SAMD12: variants seen among roughly 807,000 people sequenced by gnomAD.
SAMD12 encodes the protein sterile alpha motif domain-containing protein 12.
A neutral mutation model predicts 15.0 loss-of-function variants in SAMD12; 9 were observed. The ratio of observed to expected loss-of-function variants is 0.60; its 90% CI spans 0.36 to 1.05. The LOEUF is 1.05. SAMD12 is among the 50% of genes least tolerant of loss of function. SAMD12 has a pLI of 0.01. For missense variants in SAMD12, 230 were observed against 234.2 expected (o/e 0.98, Z 0.12); for synonymous variants, 86 against 90.1 (o/e 0.96, Z 0.25).
intron 3 of SAMD12, among the ~76,000 whole-genome samples, chr8:118,429,328 C>T (rs1051833120): frequency 6.6e-6 from 1 of 152,184 alleles, no homozygotes; most frequent in Non-Finnish European, 1.5e-5. Flanking sequence ...GAAATGCTCA[C>T]TGCAGTACTT....
At position 118,525,525 on chromosome 8, in the gene SAMD12, A is replaced by C. The variant is rs533556961; in HGVS notation, c.192+55190T>G. ...GTCTGGCCCATCATAGAAGCTCAAC[A>C]AATATTAGTTGAAGGAAAGAATGGC... On this transcript the variant is annotated intron_variant, in intron 2 of 3. Transcript: ENST00000314727. Among the ~76,000 whole-genome samples, 11 of 152,230 alleles carry C rather than the reference A, an allele frequency of 7.2e-5. No individual in the cohort carries two copies. The South Asian group carries it at 2.3e-3, about 32-fold the overall frequency.
intron 2 of SAMD12, among the ~76,000 whole-genome samples, chr8:118,528,917 G>A (rs1825607030): frequency 6.6e-6 from 1 of 151,978 alleles, no homozygotes; most frequent in South Asian, 2.1e-4. Flanking sequence ...ACCTCAATAT[G>A]GTGTCATGCA....
chr8:118,593,506 T>C (rs1238523869), intron 1 of SAMD12, among the ~76,000 whole-genome samples: 4 of 152,236 alleles, frequency 2.6e-5, no homozygotes, highest in African/African-American at 7.2e-5. Context: ...TTTTAAATTA[T>C]GTTTTTTTAA....
intron 2 of SAMD12, among the ~76,000 whole-genome samples, chr8:118,545,950 C>G (rs1339702985): frequency 5.3e-5 from 8 of 152,198 alleles, no homozygotes; most frequent in African/African-American, 9.7e-5. Context: ...GTACTGCCTT[C>G]AGTTACTCCA....
exon 5 of SAMD12, chr8:118,192,789 G>C (rs1328972961): frequency 6.6e-6 from 1 of 152,160 alleles, no homozygotes; most frequent in Non-Finnish European, 1.5e-5. Flanking sequence ...CCAGCCAATG[G>C]TAATTCAACA....
At chr8:118,415,923 A>G (rs1821665093) in intron 3 of SAMD12, among the ~76,000 whole-genome samples, 2 of 152,210 alleles carry the variant, frequency 1.3e-5, no homozygotes, top group Admixed American at 6.5e-5. Context: ...GATGACTCAT[A>G]TGGATCTTCC....
intron 2 of SAMD12, among the ~76,000 whole-genome samples, chr8:118,560,159 G>A (rs55830063): frequency 0.019 from 2,904 of 152,222 alleles, 95 homozygotes; most frequent in African/African-American, 0.066. Flanking sequence ...TCAAAAGTGA[G>A]ATATTTCATC....
chr8:118,198,027 G>A (rs934225665), intron 4 of SAMD12, among the ~76,000 whole-genome samples: 1 of 152,240 alleles, frequency 6.6e-6, no homozygotes, highest in Non-Finnish European at 1.5e-5. Context: ...CCCTATGGCG[G>A]GGCTGCAGTT....
chr8:118,364,807 C>A (rs758991212), intron 4 of SAMD12, among the ~76,000 whole-genome samples: 6 of 152,074 alleles, frequency 3.9e-5, no homozygotes, highest in Non-Finnish European at 8.8e-5. Flanking sequence ...CTCTCCTTTA[C>A]CGTTTTTCAA....
chr8:118,603,799 G>C (rs569524225), intron 1 of SAMD12, among the ~76,000 whole-genome samples: 1 of 152,130 alleles, frequency 6.6e-6, no homozygotes, highest in Non-Finnish European at 1.5e-5. Context: ...TTCTTTGGTG[G>C]GGGGAATTTC....
intron 4 of SAMD12, among the ~76,000 whole-genome samples, chr8:118,297,822 G>A (rs1814794433): frequency 6.6e-6 from 1 of 151,766 alleles, no homozygotes; most frequent in Non-Finnish European, 1.5e-5. Flanking sequence ...AATAATTTTT[G>A]AAAAAAATAA....
At chr8:118,335,795 G>A (rs1817026794) in intron 4 of SAMD12, among the ~76,000 whole-genome samples, 2 of 152,176 alleles carry the variant, frequency 1.3e-5, no homozygotes, top group Admixed American at 6.5e-5. Context: ...AGGCTAGAGT[G>A]CAGTGGCATG....
At position 118,439,815 on chromosome 8, in the gene SAMD12, G is replaced by C; in HGVS notation, c.322+17C>G. 4 of 1,610,240 alleles carry C rather than the reference G, an allele frequency of 2.5e-6. No individual in the cohort carries two copies. The highest frequency in any genetic ancestry group is 3.4e-6 in the Non-Finnish European group (4 of 1,176,762). On this transcript the variant is annotated intron_variant, in intron 3 of 3. Coordinates refer to ENST00000314727, the MANE Select transcript of SAMD12 (RefSeq NM_207506.3). ...GAAAGAAAAGGAGTGAAATATCTGG[G>C]ATACTGCATACTTTACCAGTTATGT...
the SAMD12 span, among the ~76,000 whole-genome samples, chr8:118,145,992 T>C: frequency 6.6e-6 from 1 of 152,188 alleles, no homozygotes; most frequent in East Asian, 1.9e-4. Context: ...ATCAAAGCGA[T>C]GCAACCCCAT....
chr8:118,503,619 GAA>G (rs1385482579), intron 2 of SAMD12, among the ~76,000 whole-genome samples: 2 of 152,306 alleles, frequency 1.3e-5, no homozygotes, highest in South Asian at 2.1e-4. Context: ...AGGAAATTGA[GAA>G]AGTGTTTTGA....
intron 1 of SAMD12, chr8:118,621,491 C>T (rs1286842568): frequency 1.1e-5 from 5 of 438,304 alleles, no homozygotes; most frequent in African/African-American, 2.0e-5. Flanking sequence ...CATCTCGGGG[C>T]CAAAACCTCA....
intron 4 of SAMD12, among the ~76,000 whole-genome samples, chr8:118,328,422 C>T (rs887848260): frequency 3.3e-5 from 5 of 152,122 alleles, no homozygotes; most frequent in African/African-American, 9.7e-5. Context: ...TTCCATAACC[C>T]GGTAATCTAG....
At chr8:118,367,172 A>C (rs1398511361) in intron 4 of SAMD12, among the ~76,000 whole-genome samples, 2 of 152,050 alleles carry the variant, frequency 1.3e-5, no homozygotes, top group African/African-American at 2.4e-5. Context: ...TGGTCCCCCC[A>C]AAAAAGGCCA....
At chr8:118,593,651 A>C (rs1827643819) in intron 1 of SAMD12, among the ~76,000 whole-genome samples, 1 of 152,228 alleles carries the variant, frequency 6.6e-6, no homozygotes, top group Non-Finnish European at 1.5e-5. Flanking sequence ...GCAAGTTTGA[A>C]AAATTATCAG....
Sources: gnomAD v4.1 joint callset for allele counts (sites outside exome capture counted in the v4.1 genomes callset) on GRCh38, gnomAD v4.1.1 for gene constraint, MANE v1.5 for transcripts, NCBI Gene and HGNC (gene_info 2026-07-23, HGNC 2026-07-21) for gene names.